HYDIN: variants seen among roughly 807,000 people sequenced by gnomAD.
The protein encoded by HYDIN is HYDIN axonemal central pair apparatus protein.
A neutral mutation model predicts 403.9 loss-of-function variants in HYDIN; 132 were observed. The ratio of observed to expected loss-of-function variants is 0.33; its 90% CI spans 0.28 to 0.38. HYDIN has a LOEUF of 0.38. HYDIN is among the 10% of genes least tolerant of loss of function. The pLI is 1.00. For missense variants in HYDIN, 2,827 were observed against 5,009.5 expected, an observed-to-expected ratio of 0.56 and a Z score of 13.15; for synonymous variants, 1,202 against 1,891.7, an observed-to-expected ratio of 0.64 and a Z score of 9.46.
chr16:70,944,144 T>A (rs1207971611), intron 41 of HYDIN, among the ~76,000 whole-genome samples, 195 bp from the exon 42 acceptor site: 2 of 152,246 alleles, frequency 1.3e-5, no homozygotes, highest in African/African-American at 4.8e-5. Context: ...GGGAATAGCA[T>A]GGAAGGTACG....
At chr16:70,961,240 A>G (rs974129702) in intron 38 of HYDIN, among the ~76,000 whole-genome samples, 2 of 152,222 alleles carry the variant, frequency 1.3e-5, no homozygotes, top group East Asian at 1.9e-4. Context: ...GGGGCCCATC[A>G]ACATAGCCAG....
intron 73 of HYDIN, among the ~76,000 whole-genome samples, chr16:70,851,416 GA>G (rs2038646608): frequency 6.6e-6 from 1 of 151,126 alleles, no homozygotes; most frequent in African/African-American, 2.5e-5. Context: ...ATGGGCAAAA[GA>G]CATGAATAGA....
At chr16:70,893,052 T>C (rs2041569723) in intron 55 of HYDIN, among the ~76,000 whole-genome samples, 1 of 152,188 alleles carries the variant, frequency 6.6e-6, no homozygotes, top group Non-Finnish European at 1.5e-5. Context: ...AGGCTCAAGA[T>C]GTATCCCACC....
chr16:70,881,535 G>C (rs1196504288), intron 60 of HYDIN, among the ~76,000 whole-genome samples: 2 of 147,006 alleles, frequency 1.4e-5, no homozygotes, highest in Non-Finnish European at 3.0e-5. Flanking sequence ...GTGAACCTGG[G>C]AGGCAGAGCT....
intron 10 of HYDIN, among the ~76,000 whole-genome samples, chr16:71,107,981 G>A (rs887485189): frequency 5.9e-5 from 9 of 152,088 alleles, no homozygotes; most frequent in Admixed American, 1.3e-4. Flanking sequence ...AAAATACTAC[G>A]CAGCCATAAA....
At chr16:71,030,178 G>A (rs1296771273) in intron 19 of HYDIN, among the ~76,000 whole-genome samples, 1 of 151,944 alleles carries the variant, frequency 6.6e-6, no homozygotes, top group African/African-American at 2.4e-5. Context: ...AGCCTCCCAA[G>A]TAGGTAGGAC....
Position 70,959,814 on chromosome 16 carries a change from T to C in HYDIN, c.5975A>G (p.Lys1992Arg). The change falls in exon 39 of 86, where the codon AAG becomes AGG. Residue 1992 changes from lysine (K) to arginine (R), a missense_variant. Lys to Arg is a conservative substitution (Grantham distance 26). Coordinates refer to ENST00000393567, the MANE Select transcript of HYDIN (RefSeq NM_001270974.2). The stretch of plus-strand genomic sequence containing the variant: ...GGAGTGGCTGTCAATGCTCTGAAGC[T>C]TGTCAGCTGCAAATTTAAAATATAT... Reference protein sequence around the residue: ...SLEKIIFQTDKLQSIDSHSME... With the variant: ...SLEKIIFQTDRLQSIDSHSME... The C allele has an allele frequency of 1.3e-6, 1 of 792,414 alleles. No homozygotes were observed. Among genetic ancestry groups the C allele is most frequent in the Non-Finnish European group, 1.9e-6 (1 of 514,804 alleles). The allele number at this position is 792,414 out of a possible 1,614,324, so 49.1% of individuals were successfully genotyped here. A position where few individuals can be genotyped will look rare whatever the true frequency, so the allele number is the denominator to read the frequency against.
At position 70,829,816 on chromosome 16, in the gene HYDIN, C is replaced by G; in HGVS notation, c.13914G>C (p.Thr4638=). The change falls in exon 81 of 86, where the codon ACG becomes ACC. Residue 4638 remains threonine, a synonymous_variant. Transcript: ENST00000393567. The part of the protein sequence containing the change: ...PPAVKEVVNF[T]CQVRSKHTQT... ...GCGTGTGCTTGGAGCGCACCTGGCA[C>G]GTGAAATTCACTACCTGGAAGAAAG... is the stretch of plus-strand genomic sequence containing the variant. The G allele has an allele frequency of 6.2e-7, 1 of 1,613,970 alleles. No homozygotes were observed. The highest frequency in any genetic ancestry group is 8.5e-7 in the Non-Finnish European group (1 of 1,179,862).
intron 58 of HYDIN, among the ~76,000 whole-genome samples, chr16:70,887,559 A>G (rs906184599): frequency 2.0e-5 from 3 of 152,212 alleles, no homozygotes; most frequent in African/African-American, 7.2e-5. Context: ...CTTCTGACCT[A>G]CAGAACTATA....
At chr16:71,004,514 A>G (rs916380955) in intron 23 of HYDIN, among the ~76,000 whole-genome samples, 2 of 152,108 alleles carry the variant, frequency 1.3e-5, no homozygotes, top group Non-Finnish European at 2.9e-5. Context: ...AGTATAGTAA[A>G]TTGAATCACT....
At chr16:71,047,176 T>G (rs1414392115) in intron 18 of HYDIN, among the ~76,000 whole-genome samples, 1 of 152,042 alleles carries the variant, frequency 6.6e-6, no homozygotes. Context: ...ATTTTCCTTT[T>G]GTCTTCTGAA....
At chr16:71,065,734 G>T (rs2082242789) in intron 15 of HYDIN, among the ~76,000 whole-genome samples, 1 of 152,152 alleles carries the variant, frequency 6.6e-6, no homozygotes, top group Non-Finnish European at 1.5e-5. Flanking sequence ...TTAGGGTGCT[G>T]GAAGGGCATA....
At position 70,849,796 on chromosome 16, in the gene HYDIN, C is replaced by A. The variant is rs373923328; in HGVS notation, c.12803G>T (p.Ser4268Ile). Reference sequence around the variant, plus strand: ...TTGAAAAGACAGGGTGGCATGTACACTCTGTCCTACATCCACAGTGCTGTC... The same window carrying A: ...TTGAAAAGACAGGGTGGCATGTACAATCTGTCCTACATCCACAGTGCTGTC... ...PIDSTVDVGQ[S>I]VHATLSFQPL... The change falls in exon 75 of 86, where the codon AGT becomes ATT. Residue 4268 changes from serine (S) to isoleucine (I), a missense_variant. Transcript: ENST00000393567. 5.8e-6 allele frequency: 5 copies of A among 859,008 alleles called. No homozygotes were observed. In the African/African-American group the frequency reaches 8.5e-5, roughly 15 times the overall value. 53.2% of individuals were successfully genotyped at this position (859,008 alleles called of 1,614,324 possible). A position where few individuals can be genotyped will look rare whatever the true frequency, so the allele number is the denominator to read the frequency against.
intron 41 of HYDIN, among the ~76,000 whole-genome samples, chr16:70,951,593 G>C (rs1284459855): frequency 1.3e-5 from 2 of 151,916 alleles, no homozygotes; most frequent in Admixed American, 1.3e-4. Flanking sequence ...TGACCCCAAA[G>C]GAAGCCGGTT....
rs543384000 is a variant in HYDIN, at chr16:71,098,186, T to C, written c.1328-4251A>G. On this transcript the variant is annotated intron_variant, in intron 10 of 85. Transcript: ENST00000393567. ...TTAGTTGTGGCAATACTCTAAACTATAGATAAAACTTTCTTTCTTTTTTTT... is the reference window on the plus strand; with the variant it reads ...TTAGTTGTGGCAATACTCTAAACTACAGATAAAACTTTCTTTCTTTTTTTT... Among the ~76,000 whole-genome samples the C allele has an allele frequency of 3.4e-5, 5 of 149,228 alleles. No individual in the cohort carries two copies. In the South Asian group the frequency reaches 8.4e-4, roughly 25 times the overall value.
intron 5 of HYDIN, among the ~76,000 whole-genome samples, chr16:71,173,344 G>A (rs563775066): frequency 6.6e-6 from 1 of 152,316 alleles, no homozygotes; most frequent in South Asian, 2.1e-4. Context: ...TGCTGGATAA[G>A]TGGAACGGTA....
At chr16:71,047,008 C>T (rs375178772) in intron 18 of HYDIN, among the ~76,000 whole-genome samples, 1 of 151,970 alleles carries the variant, frequency 6.6e-6, no homozygotes, top group Non-Finnish European at 1.5e-5. Context: ...AAACCCACAA[C>T]AGATCCATAA....
rs143831593 is a variant in HYDIN, at chr16:70,890,308, C to T, written c.9657-604G>A. ...ATTCACTTGCTTAATGACCAGAACA[C>T]GTGAAGTTCAACCCCCTTTCGTGTG... On this transcript the variant is annotated intron_variant, in intron 57 of 85. Transcript: ENST00000393567. Among the ~76,000 whole-genome samples, 756 of 152,280 alleles carry T rather than the reference C, an allele frequency of 5.0e-3. 6 individuals are homozygous for T. Among genetic ancestry groups the T allele is most frequent in the African/African-American group, 0.017 (716 of 41,556 alleles).
At chr16:70,857,943 G>C (rs945337805) in intron 71 of HYDIN, 73 bp from the exon 72 acceptor site, 2 of 1,311,898 alleles carry the variant, frequency 1.5e-6, no homozygotes, top group African/African-American at 3.0e-5. Context: ...CTGGAGACTT[G>C]TCAGCACGAG....
Sources: gnomAD v4.1 joint callset for allele counts (sites outside exome capture counted in the v4.1 genomes callset) on GRCh38, gnomAD v4.1.1 for gene constraint, MANE v1.5 for transcripts, NCBI Gene and HGNC (gene_info 2026-07-23, HGNC 2026-07-21) for gene names.